The following GGACT variants were observed in gnomAD, a reference collection of about 807,000 sequenced individuals.
GGACT encodes gamma-glutamylaminecyclotransferase.
For synonymous variants in GGACT, 118 were observed against 115.3 expected, an observed-to-expected ratio of 1.02 and a Z score of -0.15; for missense variants, 241 against 233.2, an observed-to-expected ratio of 1.03 and a Z score of -0.22.
At chr13:100,566,750 C>G (rs1362195213) in intron 2 of GGACT, among the ~76,000 whole-genome samples, 2 of 152,244 alleles carry the variant, frequency 1.3e-5, no homozygotes, top group Admixed American at 1.3e-4. Context: ...ACAAAGACAT[C>G]TGATCTCACT....
chr13:100,574,392 A>G (rs1875189172), intron 2 of GGACT, among the ~76,000 whole-genome samples: 1 of 152,152 alleles, frequency 6.6e-6, no homozygotes, highest in Non-Finnish European at 1.5e-5. Context: ...CCTGGACAAC[A>G]TGGCAAAACC....
At chr13:100,586,734 C>G (rs1377157912) in intron 1 of GGACT, 1 of 152,344 alleles carries the variant, frequency 6.6e-6, no homozygotes, top group East Asian at 1.9e-4. Context: ...TCGCTACGTT[C>G]TAGCTATTTA....
chr13:100,576,841 G>A (rs889267124), intron 2 of GGACT, among the ~76,000 whole-genome samples: 12 of 152,144 alleles, frequency 7.9e-5, no homozygotes, highest in East Asian at 3.9e-4. Flanking sequence ...TCTGTATACC[G>A]TTGGTGATGG....
intron 2 of GGACT, among the ~76,000 whole-genome samples, chr13:100,577,456 G>T (rs1341846831): frequency 7.2e-4 from 56 of 77,372 alleles, no homozygotes; most frequent in African/African-American, 2.1e-3. Context: ...TAAATAAAAA[G>T]AAAAAGAAAG....
chr13:100,557,926 G>A (rs2088723252), intron 2 of GGACT, among the ~76,000 whole-genome samples: 4 of 152,160 alleles, frequency 2.6e-5, no homozygotes, highest in Admixed American at 2.6e-4. Context: ...GCTCATACCT[G>A]TAATCCCAGC....
chr13:100,587,448 T>A (rs768331983), intron 1 of GGACT, among the ~76,000 whole-genome samples: 6 of 152,192 alleles, frequency 3.9e-5, no homozygotes, highest in Non-Finnish European at 8.8e-5. Flanking sequence ...ACAATACGAA[T>A]CTCTGCTAGA....
In GGACT at chr13:100,530,983, G is replaced by T. The variant is rs1463630464; in HGVS notation, c.*1147C>A. ...GAAGCAAGTTTCCAATTAAGCAAAA[G>T]AAGCTAAAAATAATGATCATGTTTT... is the stretch of plus-strand genomic sequence containing the variant. On this transcript the variant is annotated 3_prime_UTR_variant, in exon 3 of 3. Transcript: ENST00000683975. 1.3e-5 allele frequency: 2 copies of T among 152,224 alleles called. No individual in the cohort carries two copies. The highest frequency in any genetic ancestry group is 2.9e-5 in the Non-Finnish European group (2 of 68,062). 9.4% of individuals were successfully genotyped at this position (152,224 alleles called of 1,614,324 possible). A position where few individuals can be genotyped will look rare whatever the true frequency, so the allele number is the denominator to read the frequency against.
chr13:100,577,640 CA>C lies in GGACT; in HGVS notation c.-11+6184del, dbSNP rs1448583129. Among the ~76,000 whole-genome samples the C allele has an allele frequency of 3.3e-5, 5 of 152,056 alleles. 1 individual carries two copies. The East Asian group carries it at 9.7e-4, about 29-fold the overall frequency. On this transcript the variant is annotated intron_variant, in intron 2 of 2. Coordinates refer to ENST00000683975, the MANE Select transcript of GGACT (RefSeq NM_001195087.2). ...AACAAGCAAACAAAAGTCCAAAACA[CA>C]AAGGGAGGAGGGCACGTGGAACAAG... is the stretch of plus-strand genomic sequence containing the variant.
Position 100,532,570 on chromosome 13 carries a change from C to A in GGACT, c.22G>T (p.Gly8Cys), listed in dbSNP as rs895560590. The change falls in exon 3 of 3, where the codon GGC becomes TGC. Residue 8 changes from glycine (G) to cysteine (C), a missense_variant. Gly to Cys is a radical substitution (Grantham distance 159). Coordinates refer to ENST00000683975, the MANE Select transcript of GGACT (RefSeq NM_001195087.2). The stretch of plus-strand genomic sequence containing the variant: ...TTGGGCTGACCCCGCTTCAGGGTGC[C>A]GTACACGAAGACTAGGGCCATCCGG... MALVFVY[G>C]TLKRGQPNHR... 2.6e-6 allele frequency: 4 copies of A among 1,546,048 alleles called. No homozygotes were observed. Among genetic ancestry groups the A allele is most frequent in the South Asian group, 1.2e-5 (1 of 83,762 alleles).
chr13:100,540,354 TTG>T (rs2088541984), intron 2 of GGACT: 1 of 670,004 alleles, frequency 1.5e-6, no homozygotes, highest in Non-Finnish European at 2.6e-6. Context: ...TCTCAGTAGG[TTG>T]TGTCTTTCTA....
Position 100,539,974 on chromosome 13 carries a change from C to T in GGACT, c.-10-7373G>A, listed in dbSNP as rs372128839. 31 of 1,540,676 alleles carry T rather than the reference C, an allele frequency of 2.0e-5. No individual in the cohort carries two copies. The African/African-American group carries it at 2.2e-4, about 11-fold the overall frequency. On this transcript the variant is annotated intron_variant, in intron 2 of 2. Coordinates refer to ENST00000683975, the MANE Select transcript of GGACT (RefSeq NM_001195087.2). ...TCGAGGTGGGGGTGTTCGGTCCTTG[C>T]GGGCTTCACGAGATCGATTCCTGAC...
At position 100,545,628 on chromosome 13, in the gene GGACT, C is replaced by CA. The variant is rs2088597761; in HGVS notation, c.-10-13028dup. 6.6e-6 allele frequency among the ~76,000 whole-genome samples: 1 copy of CA among 152,264 alleles called. No homozygotes were observed. The highest frequency in any genetic ancestry group is 2.4e-5 in the African/African-American group (1 of 41,482). The stretch of plus-strand genomic sequence containing the variant: ...CATGGAACTGGCACTCAGAAGCTGC[C>CA]ACTATCCTGAAATTCCCGATTTTGT... On this transcript the variant is annotated intron_variant, in intron 2 of 2. Transcript: ENST00000683975. The surrounding 1 kb of genome is among the most constrained non-coding windows in gnomAD (Gnocchi z 4.4).
chr13:100,535,463 T>C lies in GGACT; in HGVS notation c.-10-2862A>G, dbSNP rs369678379. Among the ~76,000 whole-genome samples the C allele has an allele frequency of 2.1e-3, 314 of 152,354 alleles. 1 individual carries two copies. Among genetic ancestry groups the C allele is most frequent in the African/African-American group, 7.0e-3 (293 of 41,582 alleles). On this transcript the variant is annotated intron_variant, in intron 2 of 2. Coordinates refer to ENST00000683975, the MANE Select transcript of GGACT (RefSeq NM_001195087.2). ...CTTTAGGCAGATCATATAACCTCTC[T>C]GTGCCTCAGCTTCCTCAACTGTAAA... is the stretch of plus-strand genomic sequence containing the variant.
intron 2 of GGACT, among the ~76,000 whole-genome samples, chr13:100,544,434 A>T (rs1481411915): frequency 6.6e-6 from 1 of 152,202 alleles, no homozygotes; most frequent in African/African-American, 2.4e-5. Context: ...TAGTTTCTTT[A>T]CAGCAAAGGC....
intron 1 of GGACT, among the ~76,000 whole-genome samples, chr13:100,587,623 C>T (rs1213468327): frequency 6.6e-6 from 1 of 152,056 alleles, no homozygotes; most frequent in Non-Finnish European, 1.5e-5. Flanking sequence ...GGTAAATGTA[C>T]ATAAGGACAC....
chr13:100,556,746 G>A (rs1311386226), intron 2 of GGACT, among the ~76,000 whole-genome samples: 2 of 152,062 alleles, frequency 1.3e-5, no homozygotes, highest in African/African-American at 4.8e-5. Flanking sequence ...TTGCATGCTT[G>A]TATCAAAGCA....
chr13:100,568,203 T>C (rs1345853615), intron 2 of GGACT, among the ~76,000 whole-genome samples: 2 of 152,250 alleles, frequency 1.3e-5, no homozygotes, highest in African/African-American at 2.4e-5. Flanking sequence ...TTTATATTTA[T>C]TGGCCAACAT....
At chr13:100,568,163 T>G (rs1874965223) in intron 2 of GGACT, among the ~76,000 whole-genome samples, 1 of 152,244 alleles carries the variant, frequency 6.6e-6, no homozygotes, top group African/African-American at 2.4e-5. Context: ...GATATTTGGT[T>G]GCAATCAGCA....
intron 2 of GGACT, among the ~76,000 whole-genome samples, chr13:100,547,268 G>A (rs1372077615): frequency 2.0e-5 from 3 of 152,164 alleles, no homozygotes; most frequent in African/African-American, 7.2e-5. Flanking sequence ...CAATGAACCT[G>A]CAAAACTCAC....
Sources: gnomAD v4.1 joint callset for allele counts (sites outside exome capture counted in the v4.1 genomes callset) on GRCh38, gnomAD v4.1.1 for gene constraint, Gnocchi (gnomAD v3.1) non-coding constraint, MANE v1.5 for transcripts, NCBI Gene and HGNC (gene_info 2026-07-23, HGNC 2026-07-21) for gene names.